CHRNA7: variants seen among roughly 807,000 people sequenced by gnomAD.
CHRNA7 encodes the protein cholinergic receptor nicotinic alpha 7 subunit, also known as neuronal acetylcholine receptor subunit alpha-7.
Under a neutral mutation model 48.0 loss-of-function variants are expected in CHRNA7, and 17 were observed. The ratio of observed to expected loss-of-function variants is 0.35; its 90% CI spans 0.24 to 0.53. The LOEUF (loss-of-function observed/expected upper bound fraction) is 0.53, where lower values mean the gene tolerates loss of function less well. CHRNA7 is among the 20% of genes least tolerant of loss of function. The pLI, the probability that CHRNA7 is intolerant of heterozygous loss-of-function variation, is 0.92. For missense variants in CHRNA7, 155 were observed against 577.7 expected, an observed-to-expected ratio of 0.27 and a Z score of 7.50; for synonymous variants, 75 against 242.3, an observed-to-expected ratio of 0.31 and a Z score of 6.41.
At chr15:32,106,081 T>C (rs923522832) in intron 3 of CHRNA7, among the ~76,000 whole-genome samples, 7 of 152,300 alleles carry the variant, frequency 4.6e-5, no homozygotes, top group Admixed American at 1.3e-4. Flanking sequence ...CTTCCATTGA[T>C]TGCTGTTCTT....
At chr15:32,135,535 C>T (rs1007315584) in intron 4 of CHRNA7, among the ~76,000 whole-genome samples, 2 of 152,170 alleles carry the variant, frequency 1.3e-5, no homozygotes, top group African/African-American at 2.4e-5. Context: ...TTACGGTCCG[C>T]GCACAGTGGC....
At chr15:32,037,038 T>C (rs576990436) in intron 2 of CHRNA7, among the ~76,000 whole-genome samples, 1 of 152,324 alleles carries the variant, frequency 6.6e-6, no homozygotes, top group Admixed American at 6.5e-5. Flanking sequence ...TCCTCTATTA[T>C]CTTCTAGGAG....
chr15:32,116,842 G>A (rs978308401), intron 4 of CHRNA7, among the ~76,000 whole-genome samples: 4 of 152,214 alleles, frequency 2.6e-5, no homozygotes, highest in Non-Finnish European at 5.9e-5. Flanking sequence ...AGAACAGCAT[G>A]GGGTTTCAGC....
intron 4 of CHRNA7, among the ~76,000 whole-genome samples, chr15:32,117,518 T>C (rs1170868724): frequency 2.0e-5 from 3 of 152,186 alleles, no homozygotes; most frequent in African/African-American, 7.2e-5. Flanking sequence ...GTAGATCCAA[T>C]CTCAGCTTCT....
At chr15:32,136,133 A>G (rs562410115) in intron 4 of CHRNA7, among the ~76,000 whole-genome samples, 59 of 152,292 alleles carry the variant, frequency 3.9e-4, no homozygotes, top group African/African-American at 1.4e-3. Flanking sequence ...CAATTGGCAA[A>G]GATTCAGGTA....
At chr15:32,033,365 G>A (rs1901934805) in intron 2 of CHRNA7, among the ~76,000 whole-genome samples, 1 of 152,150 alleles carries the variant, frequency 6.6e-6, no homozygotes, top group Admixed American at 6.5e-5. Context: ...TCAACTCAGA[G>A]GTCAAGAAGT....
chr15:32,080,478 G>A (rs185302449), intron 2 of CHRNA7, among the ~76,000 whole-genome samples: 5 of 151,962 alleles, frequency 3.3e-5, no homozygotes, highest in African/African-American at 7.2e-5. Flanking sequence ...AAAAATGGGC[G>A]AAAGGCAAGA....
At chr15:32,071,526 C>T (rs977249669) in intron 2 of CHRNA7, among the ~76,000 whole-genome samples, 1 of 152,166 alleles carries the variant, frequency 6.6e-6, no homozygotes, top group Non-Finnish European at 1.5e-5. Context: ...CTCCAGATCT[C>T]ATGTTGAAAT....
chr15:32,102,235 T>G (rs2050586266), intron 3 of CHRNA7: 1 of 152,166 alleles, frequency 6.6e-6, no homozygotes, highest in Non-Finnish European at 1.5e-5. Flanking sequence ...ACCTCCGCCT[T>G]CCAGGTTCAA....
intron 2 of CHRNA7, among the ~76,000 whole-genome samples, chr15:32,087,844 C>A (rs562011567): frequency 6.6e-6 from 1 of 152,316 alleles, no homozygotes; most frequent in Non-Finnish European, 1.5e-5. Context: ...TAGACCAGCA[C>A]CTTTTTCTCC....
intron 4 of CHRNA7, among the ~76,000 whole-genome samples, chr15:32,142,287 A>G (rs1454308824): frequency 6.6e-6 from 1 of 152,186 alleles, no homozygotes; most frequent in Admixed American, 6.5e-5. Context: ...ATCATGATGG[A>G]TAAGCTTTTT....
chr15:32,081,493 G>T (rs1478277410), intron 2 of CHRNA7, among the ~76,000 whole-genome samples: 1 of 152,012 alleles, frequency 6.6e-6, no homozygotes, highest in Non-Finnish European at 1.5e-5. Flanking sequence ...GTGTGTCCCA[G>T]TGGAACTCTT....
intron 2 of CHRNA7, among the ~76,000 whole-genome samples, chr15:32,047,187 G>C (rs1230970129): frequency 7.3e-6 from 1 of 137,232 alleles, no homozygotes; most frequent in Non-Finnish European, 1.5e-5. Context: ...CTTTAAAGTA[G>C]TTTTTTCCAA....
chr15:32,127,501 G>T (rs1456742529), intron 4 of CHRNA7, among the ~76,000 whole-genome samples: 3 of 152,096 alleles, frequency 2.0e-5, no homozygotes, highest in Admixed American at 1.3e-4. Context: ...GCTAGTAGGT[G>T]TGTAGTGATA....
At chr15:32,128,126 T>C (rs1230454047) in intron 4 of CHRNA7, among the ~76,000 whole-genome samples, 1 of 152,084 alleles carries the variant, frequency 6.6e-6, no homozygotes, top group South Asian at 2.1e-4. Context: ...TGTGTGGGTC[T>C]ACTATTGGGT....
intron 4 of CHRNA7, among the ~76,000 whole-genome samples, chr15:32,117,315 T>C (rs1489634443): frequency 1.3e-5 from 2 of 152,206 alleles, no homozygotes; most frequent in Admixed American, 1.3e-4. Flanking sequence ...GGCTGAGAGC[T>C]GCTTCCAGGG....
intron 2 of CHRNA7, among the ~76,000 whole-genome samples, chr15:32,079,420 A>G (rs1474142877): frequency 3.9e-5 from 6 of 152,216 alleles, no homozygotes; most frequent in African/African-American, 1.2e-4. Flanking sequence ...CTCAGCTTCA[A>G]ATCTCCTTAA....
intron 4 of CHRNA7, among the ~76,000 whole-genome samples, chr15:32,141,689 G>T (rs992851237): frequency 6.6e-6 from 1 of 152,214 alleles, no homozygotes; most frequent in Non-Finnish European, 1.5e-5. Context: ...TAGCAATTGT[G>T]AATGGGAGTT....
At chr15:32,140,039 AT>A (rs1566868202) in intron 4 of CHRNA7, among the ~76,000 whole-genome samples, 1 of 152,090 alleles carries the variant, frequency 6.6e-6, no homozygotes, top group East Asian at 1.9e-4. Context: ...GGTCATTTAC[AT>A]TAGATATTTC....
Sources: gnomAD v4.1 joint callset for allele counts (sites outside exome capture counted in the v4.1 genomes callset) on GRCh38, gnomAD v4.1.1 for gene constraint, MANE v1.5 for transcripts, NCBI Gene and HGNC (gene_info 2026-07-23, HGNC 2026-07-21) for gene names.